FAT3: variants seen among roughly 807,000 people sequenced by gnomAD.
FAT3 encodes FAT atypical cadherin 3.
In FAT3, 95 loss-of-function variants were observed where a neutral mutation model predicts 310.2. The ratio of observed to expected loss-of-function variants is 0.31; its 90% CI spans 0.26 to 0.36. FAT3 has a LOEUF of 0.36. Among genes scored for constraint, FAT3 ranks in the 10% least tolerant of loss-of-function variants. FAT3 has a pLI of 1.00. For synonymous variants in FAT3, 2,314 were observed against 2,192.9 expected, an observed-to-expected ratio of 1.06 and a Z score of -1.54; for missense variants, 5,408 against 5,715.6, an observed-to-expected ratio of 0.95 and a Z score of 1.74.
chr11:92,295,822 A>G (rs1946833591), intron 1 of FAT3, among the ~76,000 whole-genome samples: 1 of 152,124 alleles, frequency 6.6e-6, no homozygotes, highest in Non-Finnish European at 1.5e-5. Flanking sequence ...TGGATGCACA[A>G]TAGAATCACC....
At chr11:92,788,309 A>T (rs1946948103) in intron 7 of FAT3, among the ~76,000 whole-genome samples, 1 of 152,122 alleles carries the variant, frequency 6.6e-6, no homozygotes, top group African/African-American at 2.4e-5. Context: ...AACAAATCAG[A>T]TGTGATTAAA....
intron 7 of FAT3, among the ~76,000 whole-genome samples, chr11:92,786,721 G>C (rs1196827248): frequency 6.6e-6 from 1 of 152,056 alleles, no homozygotes; most frequent in Non-Finnish European, 1.5e-5. Flanking sequence ...AACTATATAA[G>C]CACCTGTACT....
chr11:92,786,795 C>T (rs1946905257), intron 7 of FAT3, among the ~76,000 whole-genome samples: 1 of 152,116 alleles, frequency 6.6e-6, no homozygotes, highest in Non-Finnish European at 1.5e-5. Flanking sequence ...TAAAAATGGG[C>T]ACAAGGCTCT....
chr11:92,631,372 G>A (rs1260463505), intron 3 of FAT3, among the ~76,000 whole-genome samples: 2 of 152,126 alleles, frequency 1.3e-5, no homozygotes, highest in Non-Finnish European at 2.9e-5. Flanking sequence ...GTTTGGCTGT[G>A]TGTTCCCACC....
chr11:92,463,745 C>T (rs142146692), intron 2 of FAT3, among the ~76,000 whole-genome samples: 1 of 152,158 alleles, frequency 6.6e-6, no homozygotes, highest in South Asian at 2.1e-4. Flanking sequence ...GTCTGGCACT[C>T]ATATCTTACT....
chr11:92,599,588 C>A (rs1939907410), intron 3 of FAT3, among the ~76,000 whole-genome samples: 1 of 152,192 alleles, frequency 6.6e-6, no homozygotes, highest in South Asian at 2.1e-4. Flanking sequence ...TTCCAAGCAC[C>A]AACCCCCATC....
chr11:92,244,124 G>T (rs1864790330), intron 1 of FAT3, among the ~76,000 whole-genome samples: 1 of 152,006 alleles, frequency 6.6e-6, no homozygotes, highest in African/African-American at 2.4e-5. Context: ...AACTCACAAA[G>T]ACCGTGCAGC....
intron 4 of FAT3, among the ~76,000 whole-genome samples, chr11:92,755,176 A>G (rs1945954658): frequency 1.3e-5 from 2 of 152,118 alleles, no homozygotes; most frequent in African/African-American, 4.8e-5. Context: ...AATGGTAATA[A>G]CAATATATTG....
chr11:92,659,275 G>A (rs1296073071), intron 3 of FAT3, among the ~76,000 whole-genome samples: 2 of 152,138 alleles, frequency 1.3e-5, no homozygotes, highest in Admixed American at 6.6e-5. Context: ...TGATTCCCAA[G>A]TTCTTGTTAT....
chr11:92,518,324 C>G (rs1193996253), intron 2 of FAT3, among the ~76,000 whole-genome samples: 6 of 152,088 alleles, frequency 3.9e-5, no homozygotes, highest in Non-Finnish European at 8.8e-5. Context: ...CCATGGAATA[C>G]TATGCAGCCA....
intron 3 of FAT3, among the ~76,000 whole-genome samples, chr11:92,549,810 G>T (rs1954740904): frequency 1.3e-5 from 2 of 152,048 alleles, no homozygotes; most frequent in East Asian, 1.9e-4. Flanking sequence ...TCAAGATCCT[G>T]TTTTTTTGTA....
At chr11:92,445,283 T>C (rs963468802) in intron 2 of FAT3, among the ~76,000 whole-genome samples, 1 of 152,208 alleles carries the variant, frequency 6.6e-6, no homozygotes, top group Non-Finnish European at 1.5e-5. Flanking sequence ...CTTTAGAATT[T>C]TTTTCAACAA....
At position 92,805,199 on chromosome 11, in the gene FAT3, G is replaced by T. The variant is rs778446419; in HGVS notation, c.8943G>T (p.Glu2981Asp). ...GRFALGLVQS[E>D]WKVYVKRPLD... ...TTGCTCTGGGCCTGGTGCAAAGTGA[G>T]TGGAAGGTCTATGTGAAGAGGCCTC... Residue 2981 changes from glutamate (E) to aspartate (D), a missense_variant, in exon 11 of 28, where the codon GAG (glutamate) becomes GAT (aspartate). Coordinates refer to ENST00000525166, the MANE Select transcript of FAT3 (RefSeq NM_001367949.2). 1 of 1,613,778 alleles carries T rather than the reference G, an allele frequency of 6.2e-7. No homozygotes were observed.
chr11:92,274,238 T>A (rs1946203265), intron 1 of FAT3, among the ~76,000 whole-genome samples: 1 of 152,082 alleles, frequency 6.6e-6, no homozygotes, highest in Non-Finnish European at 1.5e-5. Context: ...GAGAATTGGT[T>A]GAGCATAATT....
intron 3 of FAT3, among the ~76,000 whole-genome samples, chr11:92,530,421 A>G (rs572995520): frequency 2.0e-5 from 3 of 152,256 alleles, no homozygotes; most frequent in South Asian, 4.1e-4. Flanking sequence ...GAGTTACCCC[A>G]ACATCTTACG....
intron 7 of FAT3, among the ~76,000 whole-genome samples, chr11:92,789,067 AC>A (rs1946971895): frequency 1.3e-5 from 2 of 152,312 alleles, no homozygotes; most frequent in African/African-American, 4.8e-5. Flanking sequence ...AGAAGTATGA[AC>A]ACCAAATGGG....
intron 4 of FAT3, among the ~76,000 whole-genome samples, chr11:92,732,656 T>A (rs1174016325): frequency 6.6e-6 from 1 of 152,196 alleles, no homozygotes; most frequent in East Asian, 1.9e-4. Flanking sequence ...TTAAATTATG[T>A]CTCAATGTCC....
At chr11:92,399,492 A>G (rs1188901826) in intron 2 of FAT3, among the ~76,000 whole-genome samples, 1 of 152,212 alleles carries the variant, frequency 6.6e-6, no homozygotes, top group Non-Finnish European at 1.5e-5. Flanking sequence ...GTGCACACTC[A>G]TATGAAATAT....
intron 2 of FAT3, among the ~76,000 whole-genome samples, chr11:92,381,532 C>T (rs1466164760): frequency 6.6e-6 from 1 of 152,092 alleles, no homozygotes; most frequent in African/African-American, 2.4e-5. Flanking sequence ...TTTTTCACCA[C>T]TCCTTCCATG....
Sources: gnomAD v4.1 joint callset for allele counts (sites outside exome capture counted in the v4.1 genomes callset) on GRCh38, gnomAD v4.1.1 for gene constraint, MANE v1.5 for transcripts, NCBI Gene and HGNC (gene_info 2026-07-23, HGNC 2026-07-21) for gene names.